RBPJ: variants seen among roughly 807,000 people sequenced by gnomAD.
RBPJ encodes recombining binding protein suppressor of hairless.
Under a neutral mutation model 67.8 loss-of-function variants are expected in RBPJ, and 9 were observed. That is an observed-to-expected ratio of 0.13 (90% CI 0.08 to 0.23). The LOEUF (loss-of-function observed/expected upper bound fraction) is 0.23. Ranked by LOEUF, RBPJ falls within the 10% of genes least tolerant of loss-of-function variation. RBPJ has a pLI of 1.00. For missense variants in RBPJ, 305 were observed against 595.6 expected (o/e 0.51, Z 5.08); for synonymous variants, 198 against 203.3 (o/e 0.97, Z 0.22).
At chr4:26,341,229 A>G (rs1185075576) in intron 1 of RBPJ, among the ~76,000 whole-genome samples, 1 of 152,208 alleles carries the variant, frequency 6.6e-6, no homozygotes, top group African/African-American at 2.4e-5. Flanking sequence ...TGGGGTAGGA[A>G]GGAAAACAGG....
intron 1 of RBPJ, among the ~76,000 whole-genome samples, chr4:26,337,990 G>C (rs1295572360): frequency 6.7e-6 from 1 of 150,222 alleles, no homozygotes; most frequent in African/African-American, 2.4e-5. Flanking sequence ...TTTTTCCCTA[G>C]TTTTTCATTT....
chr4:26,340,906 A>G (rs957180389), intron 1 of RBPJ, among the ~76,000 whole-genome samples: 1 of 152,074 alleles, frequency 6.6e-6, no homozygotes, highest in Non-Finnish European at 1.5e-5. Context: ...AGCATGTGAA[A>G]GCCTTGAAAT....
intron 1 of RBPJ, among the ~76,000 whole-genome samples, chr4:26,198,219 A>T (rs1169768670): frequency 6.6e-6 from 1 of 151,950 alleles, no homozygotes; most frequent in Non-Finnish European, 1.5e-5. Context: ...GCGCCATTGC[A>T]CTCCAGCTTG....
the RBPJ span, among the ~76,000 whole-genome samples, chr4:26,108,818 C>T: frequency 6.6e-6 from 1 of 152,320 alleles, no homozygotes; most frequent in East Asian, 1.9e-4. Context: ...TCCCCCACTC[C>T]ACTGTTGAAA....
At chr4:26,267,456 A>C (rs2109257893) in intron 1 of RBPJ, among the ~76,000 whole-genome samples, 1 of 152,240 alleles carries the variant, frequency 6.6e-6, no homozygotes, top group South Asian at 2.1e-4. Context: ...TTCTCTCATC[A>C]CCAGAGCAAA....
At chr4:26,186,192 T>A (rs868788973) in intron 1 of RBPJ, among the ~76,000 whole-genome samples, 3,642 of 117,072 alleles carry the variant, frequency 0.031, 62 homozygotes, top group Non-Finnish European at 0.046. Context: ...CCCTTTTTTT[T>A]AAAAAAAAAA....
intron 1 of RBPJ, among the ~76,000 whole-genome samples, chr4:26,228,502 T>C (rs918410608): frequency 2.0e-5 from 3 of 152,208 alleles, no homozygotes; most frequent in Non-Finnish European, 2.9e-5. Flanking sequence ...CAGTTTCCCT[T>C]CCAATTCCGA....
intron 1 of RBPJ, among the ~76,000 whole-genome samples, chr4:26,298,867 C>CTGAAGAAGTGCTTTTGAA (rs1261624361): frequency 7.9e-5 from 12 of 152,134 alleles, no homozygotes; most frequent in Non-Finnish European, 1.8e-4. Flanking sequence ...AAATAATATT[C>CTGAAGAAGTGCTTTTGAA]TGAAGAAGTG....
chr4:26,346,949 G>A (rs866146783), intron 1 of RBPJ, among the ~76,000 whole-genome samples: 8 of 151,668 alleles, frequency 5.3e-5, no homozygotes, highest in African/African-American at 1.7e-4. Context: ...CCGAGATTGC[G>A]CCACTGCACT....
At chr4:26,391,581 T>C (rs558675160) in intron 2 of RBPJ, among the ~76,000 whole-genome samples, 22 of 152,060 alleles carry the variant, frequency 1.4e-4, no homozygotes, top group Non-Finnish European at 2.6e-4. Flanking sequence ...TAGGAGAAAA[T>C]GTTGTTTATT....
intron 1 of RBPJ, among the ~76,000 whole-genome samples, chr4:26,282,693 G>T (rs961695443): frequency 2.0e-5 from 3 of 151,044 alleles, no homozygotes; most frequent in Non-Finnish European, 2.9e-5. Flanking sequence ...GCTAATTTTT[G>T]TATTTTCAAT....
At chr4:26,416,087 A>G (rs1022651433) in intron 4 of RBPJ, among the ~76,000 whole-genome samples, 2 of 152,224 alleles carry the variant, frequency 1.3e-5, no homozygotes, top group African/African-American at 4.8e-5. Context: ...ATAAACGTTT[A>G]CTTGACATCA....
intron 1 of RBPJ, among the ~76,000 whole-genome samples, chr4:26,349,882 A>G (rs1726616396): frequency 6.6e-6 from 1 of 152,226 alleles, no homozygotes; most frequent in African/African-American, 2.4e-5. Context: ...GAATGAATGA[A>G]TGTCTTGTGT....
intron 2 of RBPJ, among the ~76,000 whole-genome samples, chr4:26,399,993 T>G (rs1257415788): frequency 6.6e-6 from 1 of 152,178 alleles, no homozygotes; most frequent in Non-Finnish European, 1.5e-5. Context: ...AATGAAAATT[T>G]TATGTAAGAA....
the RBPJ span, among the ~76,000 whole-genome samples, chr4:26,151,625 C>T: frequency 7.2e-5 from 11 of 152,346 alleles, no homozygotes; most frequent in South Asian, 1.5e-3. Context: ...GAAATTGAGG[C>T]ACAGAGCTGC....
At chr4:26,284,388 A>G (rs968321814) in intron 1 of RBPJ, among the ~76,000 whole-genome samples, 8 of 152,346 alleles carry the variant, frequency 5.3e-5, no homozygotes, top group African/African-American at 1.2e-4. Context: ...TGCAATTATT[A>G]TTGGTAAGAA....
intron 1 of RBPJ, among the ~76,000 whole-genome samples, chr4:26,211,697 A>T (rs1718427951): frequency 6.6e-6 from 1 of 152,194 alleles, no homozygotes; most frequent in African/African-American, 2.4e-5. Context: ...ATTCGGGTAG[A>T]CAGCAAACAA....
At chr4:26,216,629 T>C (rs73245733) in intron 1 of RBPJ, among the ~76,000 whole-genome samples, 12,858 of 151,774 alleles carry the variant, frequency 0.085, 794 homozygotes, top group African/African-American at 0.16. Flanking sequence ...TAGGGGAGGA[T>C]TGAGGGCGAG....
intron 1 of RBPJ, among the ~76,000 whole-genome samples, chr4:26,282,901 C>T (rs1024526864): frequency 1.3e-5 from 2 of 148,224 alleles, no homozygotes; most frequent in Middle Eastern, 3.7e-3. Flanking sequence ...AAATACTGTC[C>T]CTTTGTGTTT....
Sources: gnomAD v4.1 joint callset for allele counts (sites outside exome capture counted in the v4.1 genomes callset) on GRCh38, gnomAD v4.1.1 for gene constraint, MANE v1.5 for transcripts, NCBI Gene and HGNC (gene_info 2026-07-23, HGNC 2026-07-21) for gene names.